Variants in APP observed in about 807,000 individuals in gnomAD.
APP encodes amyloid-beta precursor protein.
In APP, 31 loss-of-function variants were observed where a neutral mutation model predicts 101.4. The observed-to-expected ratio is 0.31, with a 90% CI of 0.23 to 0.41. The LOEUF is 0.41. Ranked by LOEUF, APP falls within the 10% of genes least tolerant of loss-of-function variation. APP has a pLI of 1.00. For synonymous variants in APP, 366 were observed against 364.4 expected (o/e 1.00, Z -0.05); for missense variants, 839 against 1,003.7 (o/e 0.84, Z 2.22).
At chr21:26,167,425 G>GTAA (rs1261168887) in intron 1 of APP, among the ~76,000 whole-genome samples, 1 of 152,138 alleles carries the variant, frequency 6.6e-6, no homozygotes, top group African/African-American at 2.4e-5. Context: ...GATTCTCAAG[G>GTAA]TAATACAATT....
chr21:26,152,289 A>AAAAAAAAAAAAAAC (rs2063292557), intron 1 of APP, among the ~76,000 whole-genome samples: 5 of 146,840 alleles, frequency 3.4e-5, no homozygotes, highest in African/African-American at 1.0e-4. Flanking sequence ...CATCTCAAAA[A>AAAAAAAAAAAAAAC]AAAAAAAAAA....
chr21:26,004,426 G>A (rs1180303170), intron 6 of APP, among the ~76,000 whole-genome samples: 1 of 140,408 alleles, frequency 7.1e-6, no homozygotes, highest in Non-Finnish European at 1.5e-5. Context: ...CTGAGTAGCT[G>A]GGATTACAAG....
At chr21:26,079,667 C>G (rs568200295) in intron 3 of APP, among the ~76,000 whole-genome samples, 81 of 152,332 alleles carry the variant, frequency 5.3e-4, no homozygotes, top group African/African-American at 1.9e-3. Context: ...CCTCTAAAGG[C>G]ATTTTTGTCT....
At chr21:26,141,786 A>T (rs2063051438) in intron 1 of APP, among the ~76,000 whole-genome samples, 1 of 152,234 alleles carries the variant, frequency 6.6e-6, no homozygotes, top group Non-Finnish European at 1.5e-5. Flanking sequence ...AACAGGGAAG[A>T]GTAAGGGGAG....
At chr21:26,069,094 C>T (rs1268585679) in intron 3 of APP, among the ~76,000 whole-genome samples, 6 of 152,168 alleles carry the variant, frequency 3.9e-5, no homozygotes, top group Admixed American at 2.0e-4. Context: ...AAACATGACT[C>T]CTGCTGAACA....
At position 26,021,898 on chromosome 21, in the gene APP, G is replaced by A. The variant is rs1568868266; in HGVS notation, c.807C>T (p.Thr269=). 1 of 1,613,468 alleles carries A rather than the reference G, an allele frequency of 6.2e-7. No individual in the cohort carries two copies. Among genetic ancestry groups the A allele is most frequent in the Non-Finnish European group, 8.5e-7 (1 of 1,179,752 alleles). ...TGGTGGTGGTGGTGGCAATGCTGGT[G>A]GTTCTCTCTGTGGCTTCTTCGTAGG... ...EEPYEEATER[T]TSIATTTTTT... The change falls in exon 6 of 18, where the codon ACC becomes ACT. Residue 269 remains threonine, a synonymous_variant. Transcript: ENST00000346798.
intron 17 of APP, among the ~76,000 whole-genome samples, chr21:25,890,465 A>C (rs2037616300): frequency 6.6e-6 from 1 of 152,102 alleles, no homozygotes; most frequent in Non-Finnish European, 1.5e-5. Flanking sequence ...TGGGGGCCAG[A>C]CGCGGTGGCT....
chr21:25,931,907 A>G (rs2146397202), intron 13 of APP, among the ~76,000 whole-genome samples: 1 of 152,332 alleles, frequency 6.6e-6, no homozygotes. Flanking sequence ...ATGAAAATGG[A>G]AACGTTCCCA....
intron 6 of APP, among the ~76,000 whole-genome samples, chr21:26,007,363 AATT>A (rs1192405483): frequency 1.4e-5 from 2 of 147,658 alleles, no homozygotes; most frequent in Non-Finnish European, 3.0e-5. Flanking sequence ...TTATAAATAT[AATT>A]ATAATATATT....
chr21:26,058,846 C>T (rs2145985492), intron 3 of APP, among the ~76,000 whole-genome samples: 1 of 152,270 alleles, frequency 6.6e-6, no homozygotes, highest in South Asian at 2.1e-4. Flanking sequence ...CTTTGGGAGG[C>T]CGAGGCGGGC....
intron 17 of APP, among the ~76,000 whole-genome samples, chr21:25,889,666 C>A (rs569958496): frequency 1.3e-5 from 2 of 152,116 alleles, no homozygotes; most frequent in Non-Finnish European, 2.9e-5. Flanking sequence ...CATGGCAAAA[C>A]CCTGTCTCTA....
intron 3 of APP, among the ~76,000 whole-genome samples, chr21:26,088,396 C>T (rs980238343): frequency 6.6e-5 from 10 of 152,094 alleles, no homozygotes; most frequent in African/African-American, 1.4e-4. Context: ...GAGTGTCATA[C>T]CAGGAGCAAT....
At chr21:25,982,997 T>C (rs1173746855) in intron 8 of APP, among the ~76,000 whole-genome samples, 4 of 254 alleles carry the variant, frequency 0.016, no homozygotes. Context: ...CATGAGACAG[T>C]ATGGAAACAC....
At chr21:25,968,146 C>T (rs1356640717) in intron 11 of APP, among the ~76,000 whole-genome samples, 1 of 151,808 alleles carries the variant, frequency 6.6e-6, no homozygotes, top group African/African-American at 2.4e-5. Flanking sequence ...AAGTATTTAT[C>T]TCATTTTTTA....
chr21:25,996,334 T>C (rs992352719), intron 8 of APP, among the ~76,000 whole-genome samples: 2 of 152,198 alleles, frequency 1.3e-5, no homozygotes, highest in African/African-American at 4.8e-5. Context: ...TGACCCTTCA[T>C]GTCTAAAGTT....
At chr21:26,056,836 G>C (rs2046061636) in intron 3 of APP, among the ~76,000 whole-genome samples, 1 of 152,142 alleles carries the variant, frequency 6.6e-6, no homozygotes, top group Non-Finnish European at 1.5e-5. Flanking sequence ...TTTAGCAGTG[G>C]ACAGCACTGC....
In APP at chr21:25,948,161, A is replaced by ATTTTTT. The variant is rs59620258; in HGVS notation, c.1687+6423_1687+6428dup. Among the ~76,000 whole-genome samples the ATTTTTT allele has an allele frequency of 4.9e-4, 72 of 147,482 alleles. 2 individuals carry two copies. The highest frequency in any genetic ancestry group is 6.8e-4 in the Admixed American group (10 of 14,786). ...TGACAGCTCTCTATTTGCTGTTATG[A>ATTTTTT]TTTTTTTTTTTTGATGTTCATCCTT... On this transcript the variant is annotated intron_variant, in intron 13 of 17. Transcript: ENST00000346798.
intron 2 of APP, among the ~76,000 whole-genome samples, chr21:26,104,810 C>T (rs2062143130): frequency 6.6e-6 from 1 of 152,104 alleles, no homozygotes; most frequent in Admixed American, 6.5e-5. Context: ...ACAAATTAAA[C>T]AATGAGTTAA....
intron 3 of APP, among the ~76,000 whole-genome samples, chr21:26,080,944 G>GA (rs1172644984): frequency 6.6e-6 from 1 of 151,942 alleles, no homozygotes; most frequent in South Asian, 2.1e-4. Context: ...TATTTATGGG[G>GA]AAAAAATGTT....
Sources: gnomAD v4.1 joint callset for allele counts (sites outside exome capture counted in the v4.1 genomes callset) on GRCh38, gnomAD v4.1.1 for gene constraint, MANE v1.5 for transcripts, NCBI Gene and HGNC (gene_info 2026-07-23, HGNC 2026-07-21) for gene names.